Variants in PPFIA1 observed in about 807,000 individuals in gnomAD.
PPFIA1 encodes the protein PPFI scaffold protein A1.
In PPFIA1, 25 loss-of-function variants were observed where a neutral mutation model predicts 149.9. The ratio of observed to expected loss-of-function variants is 0.17; its 90% confidence interval spans 0.12 to 0.23. The LOEUF is 0.23. Ranked by LOEUF, PPFIA1 falls within the 10% of genes least tolerant of loss-of-function variation. PPFIA1 has a pLI of 1.00. For synonymous variants in PPFIA1, 549 were observed against 552.8 expected (o/e 0.99, Z 0.10); for missense variants, 1,362 against 1,506.5 (o/e 0.90, Z 1.59).
In PPFIA1 at chr11:70,294,285, GATTCCAGT is replaced by G. The variant is rs1000534894; in HGVS notation, c.264+21854_264+21861del. Among the ~76,000 whole-genome samples the G allele has an allele frequency of 9.2e-4, 140 of 152,230 alleles. 1 individual carries two copies. Among genetic ancestry groups the G allele is most frequent in the Non-Finnish European group, 2.4e-4 (16 of 68,020 alleles). Reference sequence around the variant, plus strand: ...CAAATTGTAGAGAAAGGTAAACTTTGATTCCAGTATTCACCTGCAGAAGACCTGAGTGA... The same window carrying G: ...CAAATTGTAGAGAAAGGTAAACTTTGATTCACCTGCAGAAGACCTGAGTGA... On this transcript the variant is annotated intron_variant, in intron 2 of 27. Transcript: ENST00000253925.
chr11:70,277,953 C>T (rs958795173), intron 2 of PPFIA1, among the ~76,000 whole-genome samples: 2 of 152,024 alleles, frequency 1.3e-5, no homozygotes, highest in Non-Finnish European at 2.9e-5. Flanking sequence ...GCTCTGTCGC[C>T]GGTCTGGAGT....
intron 2 of PPFIA1, among the ~76,000 whole-genome samples, chr11:70,276,077 G>A (rs891813018): frequency 6.6e-6 from 1 of 152,126 alleles, no homozygotes; most frequent in African/African-American, 2.4e-5. Flanking sequence ...ACAGTCATGT[G>A]ATTTTTCTGT....
intron 2 of PPFIA1, 38 bp from the exon 3 acceptor site, chr11:70,324,363 TC>T: frequency 6.8e-7 from 1 of 1,470,046 alleles, no homozygotes; most frequent in Non-Finnish European, 9.4e-7. Context: ...CTTTAGGGGG[TC>T]TTTCTTATTT....
intron 19 of PPFIA1, 126 bp downstream of exon 19, chr11:70,356,380 C>A: frequency 1.4e-6 from 1 of 723,770 alleles, no homozygotes; most frequent in South Asian, 1.9e-5. Context: ...GCTTTACCTA[C>A]AGCCTTAATT....
In PPFIA1 at chr11:70,324,398, C is replaced by T. The variant is rs965407041; in HGVS notation, c.265-4C>T. 6.3e-7 allele frequency: 1 copy of T among 1,592,806 alleles called. No individual in the cohort carries two copies. Among genetic ancestry groups the T allele is most frequent in the Non-Finnish European group, 8.6e-7 (1 of 1,168,084 alleles). Reference sequence around the variant, plus strand: ...TTATTTAATTTTGTTTTGTGATTTTCTAGGAGTTCGCAGCACTTACTAAAG... The same window carrying T: ...TTATTTAATTTTGTTTTGTGATTTTTTAGGAGTTCGCAGCACTTACTAAAG... On this transcript the variant is annotated splice_polypyrimidine_tract_variant and splice_region_variant and intron_variant, in intron 2 of 27. Transcript: ENST00000253925.
chr11:70,344,653 C>T (rs1049248513), intron 15 of PPFIA1, among the ~76,000 whole-genome samples: 5 of 152,232 alleles, frequency 3.3e-5, no homozygotes, highest in Non-Finnish European at 4.4e-5. Flanking sequence ...TTTCAATACA[C>T]GCAAGTATAA....
intron 26 of PPFIA1, among the ~76,000 whole-genome samples, chr11:70,380,257 C>T (rs1369867209): frequency 2.8e-5 from 4 of 140,616 alleles, no homozygotes; most frequent in Non-Finnish European, 6.0e-5. Flanking sequence ...GTGGTGAAAC[C>T]CTGTCTCTAG....
At chr11:70,313,533 G>A (rs1350856436) in intron 2 of PPFIA1, among the ~76,000 whole-genome samples, 18 of 152,264 alleles carry the variant, frequency 1.2e-4, no homozygotes, top group Non-Finnish European at 2.1e-4. Context: ...AAGCTGGGGC[G>A]AGGAGGTAGA....
intron 8 of PPFIA1, 115 bp downstream of exon 8, chr11:70,330,434 C>A: frequency 2.2e-6 from 2 of 902,042 alleles, no homozygotes; most frequent in Non-Finnish European, 3.2e-6. Context: ...TTTTTATGAC[C>A]TTAGAATATT....
At chr11:70,366,590 C>T (rs1374830582) in intron 21 of PPFIA1, among the ~76,000 whole-genome samples, 1 of 152,224 alleles carries the variant, frequency 6.6e-6, no homozygotes, top group Non-Finnish European at 1.5e-5. Context: ...TGTCGTGCGA[C>T]GCCACTGGCC....
At chr11:70,347,740 G>A (rs1021002410) in intron 15 of PPFIA1, among the ~76,000 whole-genome samples, 2 of 151,928 alleles carry the variant, frequency 1.3e-5, no homozygotes, top group African/African-American at 4.8e-5. Flanking sequence ...GCTGTGGCTC[G>A]CGCCTGTAAT....
chr11:70,314,799 T>C (rs956820780), intron 2 of PPFIA1, among the ~76,000 whole-genome samples: 1 of 152,224 alleles, frequency 6.6e-6, no homozygotes, highest in African/African-American at 2.4e-5. Context: ...GATATTGTAT[T>C]AGTCCGTTCT....
chr11:70,379,780 G>A (rs530596652), intron 26 of PPFIA1, among the ~76,000 whole-genome samples: 2 of 152,256 alleles, frequency 1.3e-5, no homozygotes, highest in African/African-American at 4.8e-5. Flanking sequence ...GGACGCTTTG[G>A]GTGAGAATAG....
At chr11:70,289,334 C>A (rs2051368434) in intron 2 of PPFIA1, among the ~76,000 whole-genome samples, 1 of 152,068 alleles carries the variant, frequency 6.6e-6, no homozygotes, top group South Asian at 2.1e-4. Context: ...ATTAAAAAAC[C>A]TCCAATTTCA....
intron 25 of PPFIA1, 90 bp from the exon 26 acceptor site, chr11:70,377,940 G>C: frequency 9.8e-6 from 10 of 1,018,038 alleles, no homozygotes; most frequent in Non-Finnish European, 1.2e-5. Flanking sequence ...ACATTCTCGA[G>C]ATCAGCAGTC....
intron 2 of PPFIA1, among the ~76,000 whole-genome samples, chr11:70,322,257 C>T (rs189219719): frequency 2.6e-5 from 4 of 152,268 alleles, no homozygotes; most frequent in East Asian, 1.9e-4. Context: ...TCCTCATGTA[C>T]GAACCCCTTC....
At chr11:70,330,093 A>T in intron 7 of PPFIA1, 80 bp from the exon 8 acceptor site, 1 of 1,309,138 alleles carries the variant, frequency 7.6e-7, no homozygotes, top group Non-Finnish European at 1.1e-6. Context: ...GATTTACTTC[A>T]GTTTTTTTCT....
chr11:70,353,669 C>T (rs2056197533), intron 16 of PPFIA1, among the ~76,000 whole-genome samples: 1 of 152,088 alleles, frequency 6.6e-6, no homozygotes, highest in African/African-American at 2.4e-5. Context: ...TTCTTTTAAG[C>T]TATATTGAAC....
intron 7 of PPFIA1, 45 bp from the exon 8 acceptor site, chr11:70,330,128 C>G: frequency 6.7e-7 from 1 of 1,495,510 alleles, no homozygotes; most frequent in Non-Finnish European, 9.1e-7. Context: ...AATGTGTAAT[C>G]GTTAATTACC....
Sources: gnomAD v4.1 joint callset for allele counts (sites outside exome capture counted in the v4.1 genomes callset) on GRCh38, gnomAD v4.1.1 for gene constraint, MANE v1.5 for transcripts, NCBI Gene and HGNC (gene_info 2026-07-23, HGNC 2026-07-21) for gene names.